Variants in DPP10 observed in about 807,000 individuals in gnomAD.
The protein encoded by DPP10 is inactive dipeptidyl peptidase 10.
In DPP10, 33 loss-of-function variants were observed where a neutral mutation model predicts 120.9. That is an observed-to-expected ratio of 0.27 (90% CI 0.21 to 0.37). DPP10 has a LOEUF of 0.37. DPP10 is among the 10% of genes least tolerant of loss of function. DPP10 has a pLI of 1.00. For missense variants in DPP10, 816 were observed against 942.8 expected (o/e 0.87, Z 1.76); for synonymous variants, 337 against 326.1 (o/e 1.03, Z -0.36).
chr2:115,333,334 G>A (rs185727063), intron 2 of DPP10, among the ~76,000 whole-genome samples: 15 of 152,104 alleles, frequency 9.9e-5, no homozygotes, highest in African/African-American at 1.9e-4. Flanking sequence ...TGTGAGATGC[G>A]TCTCCTGAAT....
At chr2:115,560,509 A>C (rs2080574628) in intron 5 of DPP10, among the ~76,000 whole-genome samples, 1 of 137,516 alleles carries the variant, frequency 7.3e-6, no homozygotes, top group East Asian at 2.3e-4. Flanking sequence ...ATCTTCAAAA[A>C]TTATCTTGTG....
At chr2:114,767,099 A>G (rs1200599337) in intron 1 of DPP10, among the ~76,000 whole-genome samples, 1 of 143,210 alleles carries the variant, frequency 7.0e-6, no homozygotes, top group Non-Finnish European at 1.5e-5. Flanking sequence ...CTACATCAAA[A>G]CTAGAAAAAA....
At chr2:115,122,780 A>C (rs548834518) in intron 1 of DPP10, among the ~76,000 whole-genome samples, 4 of 152,170 alleles carry the variant, frequency 2.6e-5, no homozygotes, top group Non-Finnish European at 5.9e-5. Flanking sequence ...CTTAGGCTTT[A>C]GCCCTACCAC....
At chr2:115,176,285 AAT>A (rs950012746) in intron 1 of DPP10, among the ~76,000 whole-genome samples, 4 of 147,780 alleles carry the variant, frequency 2.7e-5, no homozygotes, top group African/African-American at 7.3e-5. Context: ...AAAAAATTTA[AAT>A]ATATTTATAT....
At position 115,329,921 on chromosome 2, in the gene DPP10, A is replaced by G. The variant is rs140454710; in HGVS notation, c.176-13896A>G. On this transcript the variant is annotated intron_variant, in intron 2 of 25. Transcript: ENST00000410059. ...TATGTGTGCATTGTGTCTTTATAGC[A>G]GCATGATTTATAATCCTTTGGGTAT... Among the ~76,000 whole-genome samples, 1,074 of 152,308 alleles carry G rather than the reference A, an allele frequency of 7.1e-3. 7 individuals are homozygous for G. The highest frequency in any genetic ancestry group is 0.012 in the Non-Finnish European group (810 of 68,022).
chr2:114,593,181 G>A (rs1256637867), intron 1 of DPP10, among the ~76,000 whole-genome samples: 1 of 152,246 alleles, frequency 6.6e-6, no homozygotes, highest in South Asian at 2.1e-4. Context: ...GTAAAAGGAC[G>A]AAAGTTTAGG....
In DPP10 at chr2:115,343,925, C is replaced by G; in HGVS notation, c.271+13C>G. 1 of 1,572,526 alleles carries G rather than the reference C, an allele frequency of 6.4e-7. No homozygotes were observed. Among genetic ancestry groups the G allele is most frequent in the African/African-American group, 1.4e-5 (1 of 73,022 alleles). ...CGGTGGATCAATGGTAAGTGTATAC[C>G]TTTTTAAACATTGTATTCATTTTGA... On this transcript the variant is annotated intron_variant, in intron 3 of 25. Transcript: ENST00000410059.
intron 7 of DPP10, among the ~76,000 whole-genome samples, chr2:115,715,746 T>C (rs1358531197): frequency 2.0e-5 from 3 of 152,256 alleles, no homozygotes; most frequent in Non-Finnish European, 4.4e-5. Flanking sequence ...TTTTTTCTTC[T>C]ATCTTTACAT....
At chr2:115,182,208 T>G (rs762567339) in intron 1 of DPP10, among the ~76,000 whole-genome samples, 3 of 152,224 alleles carry the variant, frequency 2.0e-5, no homozygotes, top group Non-Finnish European at 4.4e-5. Context: ...TCTAGAGTAA[T>G]TTTGTGTCAA....
chr2:115,796,564 C>A (rs531940872), intron 19 of DPP10, among the ~76,000 whole-genome samples: 2 of 152,164 alleles, frequency 1.3e-5, no homozygotes, highest in African/African-American at 4.8e-5. Context: ...GGGTCCATTT[C>A]TCTGCAATTT....
intron 7 of DPP10, among the ~76,000 whole-genome samples, chr2:115,712,540 T>TATATATATATATATATATATATA (rs2092353572): frequency 1.1e-4 from 2 of 18,058 alleles, no homozygotes; most frequent in Non-Finnish European, 3.0e-4. Flanking sequence ...GAGTCCTGAA[T>TATATATATATATATATATATATA]TAAATATATA....
intron 2 of DPP10, among the ~76,000 whole-genome samples, chr2:115,315,386 G>A (rs2061746560): frequency 1.3e-5 from 2 of 151,938 alleles, no homozygotes; most frequent in African/African-American, 4.8e-5. Context: ...TTATTGTTAT[G>A]CAAAAACTCA....
intron 1 of DPP10, among the ~76,000 whole-genome samples, chr2:115,096,886 AC>A (rs1355764492): frequency 3.9e-5 from 6 of 152,186 alleles, no homozygotes; most frequent in African/African-American, 1.4e-4. Flanking sequence ...TGATTATGAA[AC>A]TTGTAAAAAG....
intron 12 of DPP10, 96 bp from the exon 13 acceptor site, chr2:115,768,201 C>A: frequency 3.2e-6 from 3 of 950,358 alleles, no homozygotes; most frequent in South Asian, 4.1e-5. Flanking sequence ...AATTATAAAT[C>A]AATATTTGGT....
chr2:115,842,369 A>G lies in DPP10; in HGVS notation c.*24A>G. The stretch of plus-strand genomic sequence containing the variant: ...AATGGACTGTATTTATACAGAACTG[A>G]AGGGAATATTGAGGCTCAATGAAAC... On this transcript the variant is annotated 3_prime_UTR_variant, in exon 26 of 26. Coordinates refer to ENST00000410059, the MANE Select transcript of DPP10 (RefSeq NM_020868.6). The G allele has an allele frequency of 6.2e-7, 1 of 1,601,820 alleles. No individual in the cohort carries two copies. The highest frequency in any genetic ancestry group is 8.5e-7 in the Non-Finnish European group (1 of 1,171,878).
intron 8 of DPP10, among the ~76,000 whole-genome samples, chr2:115,733,194 A>T (rs570562048): frequency 4.6e-5 from 7 of 152,318 alleles, no homozygotes; most frequent in African/African-American, 1.7e-4. Context: ...GTTGAAATAA[A>T]ACAGGGCAAA....
chr2:115,291,157 C>T (rs939814736), intron 1 of DPP10, among the ~76,000 whole-genome samples: 4 of 152,002 alleles, frequency 2.6e-5, no homozygotes, highest in African/African-American at 9.7e-5. Context: ...GTATGTGCCG[C>T]CATGCCTGGC....
intron 3 of DPP10, among the ~76,000 whole-genome samples, chr2:115,431,489 G>T (rs1016283569): frequency 1.3e-5 from 2 of 152,126 alleles, no homozygotes; most frequent in African/African-American, 4.8e-5. Context: ...TTCTGATACT[G>T]CAGTGGTGTA....
intron 1 of DPP10, among the ~76,000 whole-genome samples, chr2:114,853,414 G>C (rs1689124709): frequency 6.6e-6 from 1 of 152,082 alleles, no homozygotes; most frequent in Non-Finnish European, 1.5e-5. Flanking sequence ...GAAGTGGCTA[G>C]TGGGCTTTTA....
Sources: gnomAD v4.1 joint callset for allele counts (sites outside exome capture counted in the v4.1 genomes callset) on GRCh38, gnomAD v4.1.1 for gene constraint, MANE v1.5 for transcripts, NCBI Gene and HGNC (gene_info 2026-07-23, HGNC 2026-07-21) for gene names.